The following GRIA1 variants were observed in gnomAD, a reference collection of about 807,000 sequenced individuals.
The protein encoded by GRIA1 is glutamate ionotropic receptor AMPA type subunit 1.
In GRIA1, 31 loss-of-function variants were observed where a neutral mutation model predicts 99.2. The ratio of observed to expected loss-of-function variants is 0.31; its 90% confidence interval spans 0.23 to 0.42. The LOEUF is 0.42. Among genes scored for constraint, GRIA1 ranks in the 10% least tolerant of loss-of-function variants. The pLI is 1.00. For missense variants in GRIA1, 782 were observed against 1,157.5 expected, an observed-to-expected ratio of 0.68 and a Z score of 4.71; for synonymous variants, 438 against 432.4, an observed-to-expected ratio of 1.01 and a Z score of -0.16.
At chr5:153,639,153 A>G (rs1209708589) in intron 2 of GRIA1, among the ~76,000 whole-genome samples, 1 of 152,160 alleles carries the variant, frequency 6.6e-6, no homozygotes, top group African/African-American at 2.4e-5. Flanking sequence ...CTTCCCCTCC[A>G]TTGTCTCTCA....
intron 2 of GRIA1, among the ~76,000 whole-genome samples, chr5:153,511,486 TC>T (rs1756070215): frequency 6.6e-6 from 1 of 152,230 alleles, no homozygotes; most frequent in Non-Finnish European, 1.5e-5. Flanking sequence ...TTTTTGGGCT[TC>T]TTCCTGGAAT....
At chr5:153,810,478 T>G (rs1766740554) in intron 15 of GRIA1, among the ~76,000 whole-genome samples, 1 of 152,246 alleles carries the variant, frequency 6.6e-6, no homozygotes, top group African/African-American at 2.4e-5. Flanking sequence ...CATCCTCAAT[T>G]TATTTGAACA....
intron 5 of GRIA1, among the ~76,000 whole-genome samples, chr5:153,673,484 A>AAT (rs1756348381): frequency 6.6e-6 from 1 of 152,230 alleles, no homozygotes; most frequent in South Asian, 2.1e-4. Context: ...TCACTATTAG[A>AAT]ATAGTGCACT....
At chr5:153,502,843 G>C (rs1001032455) in intron 2 of GRIA1, among the ~76,000 whole-genome samples, 2 of 152,174 alleles carry the variant, frequency 1.3e-5, no homozygotes, top group African/African-American at 4.8e-5. Flanking sequence ...GTCTACAAAA[G>C]TAATATATAC....
At chr5:153,701,630 A>AAAAAAAAAAAAAAAAAAAAAAAAAC (rs1758532434) in intron 10 of GRIA1, among the ~76,000 whole-genome samples, 1 of 148,244 alleles carries the variant, frequency 6.7e-6, no homozygotes, top group Non-Finnish European at 1.5e-5. Flanking sequence ...AAAAAAAAAA[A>AAAAAAAAAAAAAAAAAAAAAAAAAC]AAAAAAAAAA....
chr5:153,675,550 G>A (rs556701423), intron 6 of GRIA1, among the ~76,000 whole-genome samples: 1 of 152,320 alleles, frequency 6.6e-6, no homozygotes, highest in Admixed American at 6.5e-5. Context: ...GTGTTGAGAA[G>A]GATACTAAGG....
At chr5:153,735,635 G>C (rs1224004300) in intron 11 of GRIA1, among the ~76,000 whole-genome samples, 1 of 151,980 alleles carries the variant, frequency 6.6e-6, no homozygotes, top group South Asian at 2.1e-4. Flanking sequence ...TATGAGGGGT[G>C]GTCTCCTCCC....
At chr5:153,648,302 G>A (rs1190492115) in intron 3 of GRIA1, among the ~76,000 whole-genome samples, 1 of 152,174 alleles carries the variant, frequency 6.6e-6, no homozygotes, top group African/African-American at 2.4e-5. Flanking sequence ...TCACCTGGAA[G>A]TCTATTTCAG....
chr5:153,600,247 C>T (rs1024507610), intron 2 of GRIA1, among the ~76,000 whole-genome samples: 6 of 151,988 alleles, frequency 3.9e-5, no homozygotes, highest in East Asian at 1.9e-4. Flanking sequence ...AAAAAACTAG[C>T]TGGGCGTGGT....
Position 153,534,733 on chromosome 5 carries a change from A to C in GRIA1, c.220+40668A>C, listed in dbSNP as rs369614557. ...GAAGAAGTCAGGCATTTTCTTGGCC[A>C]TCTATGAAGTTGGATTTTAACTCCC... is the stretch of plus-strand genomic sequence containing the variant. On this transcript the variant is annotated intron_variant, in intron 2 of 15. Coordinates refer to ENST00000285900, the MANE Select transcript of GRIA1 (RefSeq NM_000827.4). Among the ~76,000 whole-genome samples, 150 of 152,276 alleles carry C rather than the reference A, an allele frequency of 9.9e-4. 3 individuals carry two copies. In the South Asian group the frequency reaches 0.029, roughly 29 times the overall value.
intron 2 of GRIA1, among the ~76,000 whole-genome samples, chr5:153,576,824 G>A (rs1386209270): frequency 6.6e-6 from 1 of 152,204 alleles, no homozygotes; most frequent in Non-Finnish European, 1.5e-5. Flanking sequence ...CTCTCAGTGA[G>A]CTGATGCAAT....
intron 2 of GRIA1, among the ~76,000 whole-genome samples, chr5:153,626,429 T>C (rs1454889954): frequency 6.9e-6 from 1 of 144,998 alleles, no homozygotes; most frequent in Non-Finnish European, 1.5e-5. Context: ...AAATCTAGTC[T>C]CTGTGTGTGT....
chr5:153,533,229 G>A (rs886632796), intron 2 of GRIA1, among the ~76,000 whole-genome samples: 1 of 152,150 alleles, frequency 6.6e-6, no homozygotes, highest in South Asian at 2.1e-4. Flanking sequence ...CGTGAATGGA[G>A]GCTGGACCAG....
At chr5:153,724,649 G>C (rs1325750223) in intron 11 of GRIA1, among the ~76,000 whole-genome samples, 1 of 152,058 alleles carries the variant, frequency 6.6e-6, no homozygotes, top group African/African-American at 2.4e-5. Flanking sequence ...GGGTATCAGT[G>C]ATGGAAGATG....
chr5:153,541,461 T>C (rs997197690), intron 2 of GRIA1, among the ~76,000 whole-genome samples: 5 of 152,208 alleles, frequency 3.3e-5, no homozygotes, highest in African/African-American at 1.2e-4. Context: ...TAGGTGTTAT[T>C]AGCCTCATTT....
intron 11 of GRIA1, among the ~76,000 whole-genome samples, chr5:153,749,475 C>T (rs1026357900): frequency 1.3e-5 from 2 of 152,166 alleles, no homozygotes; most frequent in Non-Finnish European, 2.9e-5. Context: ...TGCTCCCACT[C>T]ACGGAGGAAG....
intron 2 of GRIA1, among the ~76,000 whole-genome samples, chr5:153,556,242 C>T (rs945219834): frequency 3.3e-5 from 5 of 151,808 alleles, no homozygotes; most frequent in Admixed American, 6.6e-5. Context: ...AGTGTGGGGG[C>T]GAAAGTTGGT....
At chr5:153,757,018 C>T (rs1198244248) in intron 11 of GRIA1, among the ~76,000 whole-genome samples, 1 of 151,946 alleles carries the variant, frequency 6.6e-6, no homozygotes, top group African/African-American at 2.4e-5. Context: ...ATCTGTTGGA[C>T]AAGTGATTCA....
chr5:153,580,710 G>A (rs769581092), intron 2 of GRIA1, among the ~76,000 whole-genome samples: 16 of 152,122 alleles, frequency 1.1e-4, no homozygotes, highest in Non-Finnish European at 2.2e-4. Flanking sequence ...AGTTTCTGGG[G>A]GGTCAGCTGC....
Sources: gnomAD v4.1 joint callset for allele counts (sites outside exome capture counted in the v4.1 genomes callset) on GRCh38, gnomAD v4.1.1 for gene constraint, MANE v1.5 for transcripts, NCBI Gene and HGNC (gene_info 2026-07-23, HGNC 2026-07-21) for gene names.